RDX: variants seen among roughly 807,000 people sequenced by gnomAD.
The protein encoded by RDX is deafness, autosomal recessive 24.
In RDX, 32 loss-of-function variants were observed where a neutral mutation model predicts 83.7. That is an observed-to-expected ratio of 0.38 (90% CI 0.29 to 0.51). The LOEUF is 0.51. RDX is among the 20% of genes least tolerant of loss of function. The pLI is 0.87. For missense variants in RDX, 600 were observed against 689.9 expected (o/e 0.87, Z 1.46); for synonymous variants, 229 against 222.7 (o/e 1.03, Z -0.25).
rs1859612020 is a variant in RDX at position 110,257,932 on chromosome 11, A to C, written c.552-19T>G. The C allele has an allele frequency of 6.2e-7, 1 of 1,607,708 alleles. No homozygotes were observed. Among genetic ancestry groups the C allele is most frequent in the East Asian group, 2.2e-5 (1 of 44,700 alleles). On this transcript the variant is annotated intron_variant, in intron 6 of 13. Coordinates refer to ENST00000645495, the MANE Select transcript of RDX (RefSeq NM_002906.4). ...ATCCTCCCTGTTGAAATAAAACTAA[A>C]TGTAATATATTTAAGTAGGAGCATA... is the stretch of plus-strand genomic sequence containing the variant.
At chr11:110,211,161 A>T (rs1863821575) in intron 14 of RDX, among the ~76,000 whole-genome samples, 1 of 152,206 alleles carries the variant, frequency 6.6e-6, no homozygotes, top group Admixed American at 6.5e-5. Flanking sequence ...AGCCAATGGA[A>T]AACAAAAAAA....
intron 11 of RDX, chr11:110,236,538 T>C (rs1038752498): frequency 9.1e-6 from 2 of 218,972 alleles, no homozygotes; most frequent in Admixed American, 5.4e-5. Context: ...TAATGCTATA[T>C]ACTTTAAATG....
At chr11:110,220,545 C>T (rs1864207480) in intron 14 of RDX, among the ~76,000 whole-genome samples, 1 of 152,124 alleles carries the variant, frequency 6.6e-6, no homozygotes, top group Non-Finnish European at 1.5e-5. Context: ...CAGAGTTTTG[C>T]TCTTGTCACC....
chr11:110,243,898 T>C (rs1169305835), intron 10 of RDX, among the ~76,000 whole-genome samples: 1 of 152,076 alleles, frequency 6.6e-6, no homozygotes, highest in African/African-American at 2.4e-5. Context: ...GAAATCAAAT[T>C]TGCTGGTGGC....
chr11:110,187,550 C>G (rs372772627), intron 15 of RDX, among the ~76,000 whole-genome samples: 78 of 152,324 alleles, frequency 5.1e-4, no homozygotes, highest in African/African-American at 1.9e-3. Context: ...TCTCCTAGAG[C>G]AGGAGTTTAG....
At position 110,200,804 on chromosome 11, in the gene RDX, T is replaced by A. The variant is rs139071927; in HGVS notation, c.1749-1126A>T. ...GTTAACCTGGCCAGAAATAATTCGATGGTTCAATAGTACCTGAAATTTAAG... is the reference window on the plus strand; with the variant it reads ...GTTAACCTGGCCAGAAATAATTCGAAGGTTCAATAGTACCTGAAATTTAAG... On this transcript the variant is annotated intron_variant, in intron 14 of 15. Transcript: ENST00000528498. Among the ~76,000 whole-genome samples the A allele has an allele frequency of 3.9e-5, 6 of 152,358 alleles. No homozygotes were observed. In the East Asian group the frequency reaches 1.2e-3, roughly 29 times the overall value.
chr11:110,288,811 A>G lies in RDX; in HGVS notation c.-65+7656T>C, dbSNP rs73557615. Among the ~76,000 whole-genome samples the G allele has an allele frequency of 2.0e-3, 298 of 152,354 alleles. 1 individual carries two copies. Among genetic ancestry groups the G allele is most frequent in the African/African-American group, 6.9e-3 (287 of 41,580 alleles). On this transcript the variant is annotated intron_variant, in intron 1 of 13. Coordinates refer to ENST00000645495, the MANE Select transcript of RDX (RefSeq NM_002906.4). ...TTTTGTTGGTGAATTAATCTTACAC[A>G]TAATACTAGTTTTAATTTTTCTGTT...
rs139087774 is a variant in RDX at position 110,287,595 on chromosome 11, C to T, written c.-64-7839G>A. Among the ~76,000 whole-genome samples the T allele has an allele frequency of 9.4e-4, 143 of 152,170 alleles. 3 individuals are homozygous for T. In the East Asian group the frequency reaches 0.023, roughly 24 times the overall value. On this transcript the variant is annotated intron_variant, in intron 1 of 13. Coordinates refer to ENST00000645495, the MANE Select transcript of RDX (RefSeq NM_002906.4). ...TTTTACCTAAATAATGACATGTCAT[C>T]CCGTCATCCCAAAGTGAAGCAAAGA...
intron 13 of RDX, 129 bp from the exon 14 acceptor site, chr11:110,232,162 TAA>T: frequency 1.3e-6 from 1 of 777,058 alleles, no homozygotes; most frequent in South Asian, 1.6e-5. Flanking sequence ...TCTTTAGGTA[TAA>T]GTTTGTTTTA....
intron 7 of RDX, among the ~76,000 whole-genome samples, chr11:110,255,900 T>C (rs947115976): frequency 6.6e-6 from 1 of 152,186 alleles, no homozygotes; most frequent in Admixed American, 6.5e-5. Context: ...TTTCAGTATA[T>C]TTTGAAAGAA....
intron 15 of RDX, among the ~76,000 whole-genome samples, chr11:110,190,437 G>A (rs1261664553): frequency 5.9e-5 from 9 of 152,166 alleles, no homozygotes; most frequent in Non-Finnish European, 1.3e-4. Context: ...CCAGGTGATA[G>A]AGAGCAAGTC....
chr11:110,259,997 T>C (rs1322132307), intron 5 of RDX, among the ~76,000 whole-genome samples: 3 of 152,042 alleles, frequency 2.0e-5, no homozygotes, highest in Non-Finnish European at 4.4e-5. Flanking sequence ...CTTTTTTTTT[T>C]TTTCTTTAGA....
intron 7 of RDX, among the ~76,000 whole-genome samples, chr11:110,257,106 T>C (rs11213327): frequency 0.39 from 59,405 of 151,104 alleles, 11,845 homozygotes; most frequent in East Asian, 0.61. Flanking sequence ...TAATATACCG[T>C]CTCTATATAG....
chr11:110,188,450 C>G (rs1476203549), intron 15 of RDX, among the ~76,000 whole-genome samples: 1 of 151,938 alleles, frequency 6.6e-6, no homozygotes, highest in East Asian at 1.9e-4. Flanking sequence ...TAAGTGGGAG[C>G]TAAGCTATGA....
chr11:110,272,956 G>C (rs1033823747), intron 2 of RDX: 2 of 459,748 alleles, frequency 4.4e-6, no homozygotes, highest in African/African-American at 4.0e-5. Context: ...GCTGGACATG[G>C]TGCCTCACAT....
intron 5 of RDX, among the ~76,000 whole-genome samples, chr11:110,261,293 C>G (rs955201079): frequency 1.3e-5 from 2 of 152,148 alleles, no homozygotes; most frequent in African/African-American, 4.8e-5. Context: ...AATACCCAGC[C>G]GCCCAAGTCA....
At chr11:110,268,815 C>G (rs1303665708) in intron 3 of RDX, among the ~76,000 whole-genome samples, 2 of 151,752 alleles carry the variant, frequency 1.3e-5, no homozygotes. Flanking sequence ...GTCCTTTAAG[C>G]TCCCATAAAC....
chr11:110,197,564 A>G (rs370773492), intron 15 of RDX, among the ~76,000 whole-genome samples: 1 of 152,338 alleles, frequency 6.6e-6, no homozygotes, highest in Middle Eastern at 3.4e-3. Context: ...TCTGACGACA[A>G]TAGCTCAGAG....
chr11:110,221,082 A>T (rs1197961024), intron 14 of RDX, among the ~76,000 whole-genome samples: 1 of 152,134 alleles, frequency 6.6e-6, no homozygotes, highest in Non-Finnish European at 1.5e-5. Context: ...CAGCAATGGC[A>T]AGATGGTGAC....
Sources: gnomAD v4.1 joint callset for allele counts (sites outside exome capture counted in the v4.1 genomes callset) on GRCh38, gnomAD v4.1.1 for gene constraint, MANE v1.5 for transcripts, NCBI Gene and HGNC (gene_info 2026-07-23, HGNC 2026-07-21) for gene names.